Variants in VAC14 observed in about 807,000 individuals in gnomAD.
The protein encoded by VAC14 is VAC14 component of PIKFYVE complex.
In VAC14, 47 loss-of-function variants were observed where a neutral mutation model predicts 85.3. The ratio of observed to expected loss-of-function variants is 0.55; its 90% CI spans 0.44 to 0.70. VAC14 has a LOEUF of 0.70. VAC14 is among the 30% of genes least tolerant of loss of function. The probability of loss-of-function intolerance (pLI) is 0.00; values close to 1 mark genes in which losing one functional copy is unlikely to be tolerated. For synonymous variants in VAC14, 447 were observed against 430.5 expected (o/e 1.04, Z -0.47); for missense variants, 861 against 1,004.3 (o/e 0.86, Z 1.93).
At chr16:70,725,134 A>G (rs2054389940) in intron 14 of VAC14, among the ~76,000 whole-genome samples, 1 of 152,236 alleles carries the variant, frequency 6.6e-6, no homozygotes, top group Admixed American at 6.5e-5. Flanking sequence ...ATCCATTAGC[A>G]CCAGCACAAT....
intron 18 of VAC14, 68 bp downstream of exon 18, chr16:70,692,753 C>G (rs1001198900): frequency 4.8e-5 from 74 of 1,546,186 alleles, no homozygotes; most frequent in Middle Eastern, 4.6e-4. Context: ...AAGGCCCTTC[C>G]TCACCAGGCT....
chr16:70,786,202 GT>G lies in VAC14; in HGVS notation c.255+12del. On this transcript the variant is annotated intron_variant, in intron 2 of 18. Transcript: ENST00000261776. Reference sequence around the variant, plus strand: ...CAGGACTGGTATGTCTGTCCCTTGGGTGAAAGGCCCACCTTGCCCAGTGCGA... The same window carrying G: ...CAGGACTGGTATGTCTGTCCCTTGGGGAAAGGCCCACCTTGCCCAGTGCGA... The G allele has an allele frequency of 6.2e-7, 1 of 1,613,188 alleles. No homozygotes were observed. The highest frequency in any genetic ancestry group is 8.5e-7 in the Non-Finnish European group (1 of 1,179,528).
chr16:70,789,555 G>C (rs200589276), intron 1 of VAC14, among the ~76,000 whole-genome samples: 1 of 152,230 alleles, frequency 6.6e-6, no homozygotes, highest in East Asian at 1.9e-4. Context: ...CGGGAGGCCC[G>C]GGTTCGATTC....
intron 12 of VAC14, among the ~76,000 whole-genome samples, chr16:70,757,278 A>G (rs187622391): frequency 5.0e-4 from 76 of 152,324 alleles, no homozygotes; most frequent in Non-Finnish European, 9.0e-4. Context: ...GGAGGCTCCA[A>G]TGCAGGTCCT....
intron 14 of VAC14, among the ~76,000 whole-genome samples, chr16:70,709,580 C>G (rs1304249702): frequency 1.3e-5 from 2 of 152,188 alleles, no homozygotes; most frequent in Non-Finnish European, 2.9e-5. Context: ...TGGTTTGTCT[C>G]CAAGGGTACG....
At chr16:70,691,510 C>T (rs2142983496) in intron 18 of VAC14, 5 of 985,460 alleles carry the variant, frequency 5.1e-6, no homozygotes, top group South Asian at 4.7e-5. Flanking sequence ...GCCCCAGGAA[C>T]CCACACATGC....
chr16:70,702,804 A>G (rs1240301855), intron 14 of VAC14, among the ~76,000 whole-genome samples: 1 of 152,138 alleles, frequency 6.6e-6, no homozygotes, highest in East Asian at 1.9e-4. Flanking sequence ...TACAGTCCCT[A>G]GTCCACACCG....
At chr16:70,691,652 C>G (rs2053598409) in intron 18 of VAC14, 1 of 985,382 alleles carries the variant, frequency 1.0e-6, no homozygotes, top group Non-Finnish European at 1.2e-6. Context: ...CACTGCAGGG[C>G]ACTGCCTTCT....
chr16:70,735,440 C>T (rs76312481), intron 13 of VAC14, among the ~76,000 whole-genome samples: 57 of 152,342 alleles, frequency 3.7e-4, no homozygotes, highest in African/African-American at 1.3e-3. Flanking sequence ...CTCACGGAGG[C>T]GTCTGGACAG....
At chr16:70,696,096 C>T (rs1022571917) in intron 16 of VAC14, among the ~76,000 whole-genome samples, 3 of 152,224 alleles carry the variant, frequency 2.0e-5, no homozygotes, top group Non-Finnish European at 4.4e-5. Flanking sequence ...CACTGAGGCA[C>T]CTCCTGGTCC....
chr16:70,775,273 C>G (rs1182559275), intron 9 of VAC14, among the ~76,000 whole-genome samples: 1 of 152,166 alleles, frequency 6.6e-6, no homozygotes, highest in Admixed American at 6.5e-5. Flanking sequence ...AAACACAAAG[C>G]AAAACCTCTT....
chr16:70,741,505 C>T (rs922730485), intron 13 of VAC14, among the ~76,000 whole-genome samples: 3 of 152,218 alleles, frequency 2.0e-5, no homozygotes, highest in Non-Finnish European at 2.9e-5. Flanking sequence ...GCTGTGGACA[C>T]GCGCATGTGC....
At chr16:70,767,138 G>T (rs114095849) in intron 10 of VAC14, among the ~76,000 whole-genome samples, 271 of 152,282 alleles carry the variant, frequency 1.8e-3, no homozygotes, top group African/African-American at 6.4e-3. Context: ...ATCTTATAAT[G>T]AATGTCTTAC....
intron 1 of VAC14, among the ~76,000 whole-genome samples, chr16:70,799,015 C>T (rs995009967): frequency 2.6e-5 from 4 of 152,168 alleles, no homozygotes; most frequent in South Asian, 2.1e-4. Context: ...AAAATGAACT[C>T]GATCAAAGAC....
rs375038143 is a variant in VAC14 at position 70,780,875 on chromosome 16, G to A, written c.1011C>T (p.Asp337=). 22 of 1,614,022 alleles carry A rather than the reference G, an allele frequency of 1.4e-5. No homozygotes were observed. The highest frequency in any genetic ancestry group is 1.8e-5 in the Non-Finnish European group (21 of 1,180,024). ...SLMKLVTPED[D]ELDELRPGQR... ...GCCCAGGTCTCAGCTCATCCAGCTCGTCGTCCTCGGGGGTGACCAGCTTCA... is the reference window on the plus strand; with the variant it reads ...GCCCAGGTCTCAGCTCATCCAGCTCATCGTCCTCGGGGGTGACCAGCTTCA... The change falls in exon 9 of 19, where the codon GAC becomes GAT. Residue 337 remains aspartate, a synonymous_variant. Transcript: ENST00000261776.
chr16:70,688,341 C>T (rs2053537973), intron 18 of VAC14: 6 of 1,158,270 alleles, frequency 5.2e-6, no homozygotes, highest in Admixed American at 9.4e-5. Context: ...TGTGGGCTGG[C>T]GATGGCGCCC....
intron 14 of VAC14, chr16:70,700,055 T>G (rs2053793201): frequency 6.6e-6 from 1 of 151,786 alleles, no homozygotes; most frequent in African/African-American, 2.4e-5. Flanking sequence ...CTCCATCTCC[T>G]CCTAGGTCGC....
At chr16:70,795,282 T>C (rs1015294110) in intron 1 of VAC14, among the ~76,000 whole-genome samples, 9 of 151,924 alleles carry the variant, frequency 5.9e-5, no homozygotes, top group Non-Finnish European at 1.0e-4. Context: ...CTGCCTAACA[T>C]GGTGAAACCC....
intron 12 of VAC14, among the ~76,000 whole-genome samples, chr16:70,749,730 G>A (rs763421742): frequency 1.1e-4 from 16 of 152,304 alleles, no homozygotes; most frequent in Admixed American, 3.3e-4. Context: ...GTGGGGAGCC[G>A]GCTGATACCC....
Sources: allele counts gnomAD v4.1 joint callset (sites outside exome capture counted in the v4.1 genomes callset), GRCh38; gene constraint gnomAD v4.1.1; transcripts MANE v1.5; gene names NCBI Gene and HGNC (gene_info 2026-07-23, HGNC 2026-07-21).